The following NBEA variants were observed in gnomAD, a reference collection of about 807,000 sequenced individuals.
The protein encoded by NBEA is neurobeachin.
NBEA carries 44 observed loss-of-function variants against 343.4 expected under a neutral mutation model. The ratio of observed to expected loss-of-function variants is 0.13; its 90% CI spans 0.10 to 0.16. The LOEUF (loss-of-function observed/expected upper bound fraction) is 0.16. NBEA is among the 10% of genes least tolerant of loss of function. The probability of loss-of-function intolerance (pLI) is 1.00; values close to 1 mark genes in which losing one functional copy is unlikely to be tolerated. For missense variants in NBEA, 2,555 were observed against 3,631.3 expected, an observed-to-expected ratio of 0.70 and a Z score of 7.62; for synonymous variants, 1,175 against 1,238.7, an observed-to-expected ratio of 0.95 and a Z score of 1.08.
At chr13:35,214,377 T>C (rs1330686980) in intron 33 of NBEA, among the ~76,000 whole-genome samples, 1 of 151,954 alleles carries the variant, frequency 6.6e-6, no homozygotes, top group African/African-American at 2.4e-5. Context: ...TGTGTAGTTC[T>C]ATTTTTTCCA....
At chr13:35,669,445 T>C (rs564953651) in intron 58 of NBEA, among the ~76,000 whole-genome samples, 76 of 152,278 alleles carry the variant, frequency 5.0e-4, no homozygotes, top group Non-Finnish European at 1.9e-4. Context: ...ATCTTCACAA[T>C]ATAATAAAAT....
At position 35,338,811 on chromosome 13, in the gene NBEA, A is replaced by T. The variant is rs972422807; in HGVS notation, c.5904-10297A>T. 3.3e-5 allele frequency among the ~76,000 whole-genome samples: 5 copies of T among 152,228 alleles called. No individual in the cohort carries two copies. In the East Asian group the frequency reaches 7.7e-4, roughly 24 times the overall value. ...GGATTATATACCTTGATTAAATGGG[A>T]TTTATTCCAGGAATTTATAGTTGGT... is the stretch of plus-strand genomic sequence containing the variant. On this transcript the variant is annotated intron_variant, in intron 36 of 58. Transcript: ENST00000379939.
intron 33 of NBEA, among the ~76,000 whole-genome samples, chr13:35,220,426 C>T (rs984805405): frequency 6.6e-6 from 1 of 152,104 alleles, no homozygotes; most frequent in African/African-American, 2.4e-5. Context: ...GTTCCTATTT[C>T]TCTAAACATC....
intron 40 of NBEA, among the ~76,000 whole-genome samples, chr13:35,457,058 T>C (rs919169472): frequency 6.6e-6 from 1 of 151,792 alleles, no homozygotes; most frequent in African/African-American, 2.4e-5. Flanking sequence ...TAATGTCTAC[T>C]AACTTAAAAA....
intron 2 of NBEA, among the ~76,000 whole-genome samples, chr13:35,042,785 C>T (rs1376140823): frequency 2.6e-5 from 4 of 151,722 alleles, no homozygotes; most frequent in African/African-American, 9.7e-5. Flanking sequence ...CAGAAAAATA[C>T]CTCTGTCTTA....
chr13:35,258,359 T>C (rs2032861302), intron 34 of NBEA, among the ~76,000 whole-genome samples: 1 of 151,832 alleles, frequency 6.6e-6, no homozygotes, highest in Non-Finnish European at 1.5e-5. Flanking sequence ...GTAGAGATGG[T>C]TTCATCATGT....
intron 41 of NBEA, among the ~76,000 whole-genome samples, chr13:35,519,586 A>C (rs1356730650): frequency 6.6e-6 from 1 of 152,212 alleles, no homozygotes; most frequent in African/African-American, 2.4e-5. Context: ...AGTGTAATGT[A>C]GACATGAATA....
At chr13:35,628,598 T>C (rs2083324806) in intron 49 of NBEA, among the ~76,000 whole-genome samples, 1 of 152,352 alleles carries the variant, frequency 6.6e-6, no homozygotes, top group South Asian at 2.1e-4. Context: ...AATCTGCCAC[T>C]GTGGCTATTC....
chr13:35,335,310 C>A (rs1329943084), intron 36 of NBEA, among the ~76,000 whole-genome samples: 1 of 152,078 alleles, frequency 6.6e-6, no homozygotes, highest in East Asian at 1.9e-4. Flanking sequence ...CTTAGGATAG[C>A]TTTGGCTATT....
At chr13:35,133,404 A>G (rs546103441) in intron 17 of NBEA, among the ~76,000 whole-genome samples, 3 of 152,280 alleles carry the variant, frequency 2.0e-5, no homozygotes, top group African/African-American at 7.2e-5. Context: ...GTGGAATTAT[A>G]TACTGGTACA....
intron 36 of NBEA, among the ~76,000 whole-genome samples, chr13:35,334,328 G>A (rs909517561): frequency 6.6e-6 from 1 of 152,086 alleles, no homozygotes; most frequent in Non-Finnish European, 1.5e-5. Context: ...GGAGTGCAAT[G>A]GCATGATCTT....
At chr13:35,486,018 T>C (rs558392103) in intron 41 of NBEA, among the ~76,000 whole-genome samples, 1 of 152,110 alleles carries the variant, frequency 6.6e-6, no homozygotes, top group African/African-American at 2.4e-5. Flanking sequence ...CCAGATTGTT[T>C]AGTCTAAAAA....
rs541836557 is a variant in NBEA, at chr13:35,144,442, G to A, written c.2445+2065G>A. Among the ~76,000 whole-genome samples the A allele has an allele frequency of 5.3e-5, 8 of 152,254 alleles. No individual in the cohort carries two copies. In the East Asian group the frequency reaches 1.5e-3, roughly 29 times the overall value. On this transcript the variant is annotated intron_variant, in intron 18 of 58. Coordinates refer to ENST00000379939, the MANE Select transcript of NBEA (RefSeq NM_001385012.1). ...TAGGTGAACCTCCATCAAATCCAGT[G>A]CCATACTGGGTGCAGTTAGCCTTAG... is the stretch of plus-strand genomic sequence containing the variant.
At chr13:35,594,947 TCACACACACA>T (rs71196581) in intron 47 of NBEA, among the ~76,000 whole-genome samples, 210 of 111,122 alleles carry the variant, frequency 1.9e-3, no homozygotes, top group African/African-American at 5.9e-3. Context: ...TTTGACATCA[TCACACACACA>T]CACACACACA....
intron 46 of NBEA, among the ~76,000 whole-genome samples, chr13:35,589,226 T>C (rs2081418712): frequency 6.6e-6 from 1 of 152,044 alleles, no homozygotes; most frequent in Non-Finnish European, 1.5e-5. Context: ...GGAAGAGAAA[T>C]AGGAGAAAAT....
intron 10 of NBEA, among the ~76,000 whole-genome samples, chr13:35,082,922 A>G (rs1245835643): frequency 2.0e-5 from 3 of 152,242 alleles, no homozygotes; most frequent in East Asian, 3.9e-4. Flanking sequence ...CTTTAGTTTA[A>G]TTAGATCCCA....
chr13:35,183,280 T>G (rs1187212284), intron 29 of NBEA, among the ~76,000 whole-genome samples: 2 of 152,038 alleles, frequency 1.3e-5, no homozygotes, highest in African/African-American at 4.8e-5. Context: ...TCTCTATTGT[T>G]TGCAGTGAAA....
At chr13:35,501,947 AC>A (rs2076906686) in intron 41 of NBEA, among the ~76,000 whole-genome samples, 1 of 152,134 alleles carries the variant, frequency 6.6e-6, no homozygotes, top group Non-Finnish European at 1.5e-5. Context: ...GTATATACAC[AC>A]GTGAACATCC....
Position 35,583,882 on chromosome 13 carries a change from T to G in NBEA, c.7036-16T>G, listed in dbSNP as rs867229243. The G allele has an allele frequency of 5.6e-6, 9 of 1,596,596 alleles. No homozygotes were observed. The highest frequency in any genetic ancestry group is 7.7e-6 in the Non-Finnish European group (9 of 1,171,280). ...ATATGACTGTATTAAACAAAATATTTTTTTTCTTTTAATAGCCAATTGGTG... is the reference window on the plus strand; with the variant it reads ...ATATGACTGTATTAAACAAAATATTGTTTTTCTTTTAATAGCCAATTGGTG... On this transcript the variant is annotated splice_polypyrimidine_tract_variant and intron_variant, in intron 45 of 58. Coordinates refer to ENST00000379939, the MANE Select transcript of NBEA (RefSeq NM_001385012.1).
Sources: gnomAD v4.1 joint callset for allele counts (sites outside exome capture counted in the v4.1 genomes callset) on GRCh38, gnomAD v4.1.1 for gene constraint, MANE v1.5 for transcripts, NCBI Gene and HGNC (gene_info 2026-07-23, HGNC 2026-07-21) for gene names.